BCAS3: variants seen among roughly 807,000 people sequenced by gnomAD.
The protein encoded by BCAS3 is BCAS3 microtubule associated cell migration factor, also known as BCAS4/BCAS3 fusion.
Under a neutral mutation model 116.1 loss-of-function variants are expected in BCAS3, and 53 were observed. The observed-to-expected ratio is 0.46, with a 90% CI of 0.37 to 0.57. The LOEUF is 0.57. Ranked by LOEUF, BCAS3 falls within the 20% of genes least tolerant of loss-of-function variation. BCAS3 has a pLI of 0.00. For synonymous variants in BCAS3, 391 were observed against 408.2 expected, an observed-to-expected ratio of 0.96 and a Z score of 0.51; for missense variants, 917 against 1,165.4, an observed-to-expected ratio of 0.79 and a Z score of 3.10.
intron 12 of BCAS3, among the ~76,000 whole-genome samples, chr17:60,920,435 C>G (rs1266600663): frequency 6.6e-6 from 1 of 152,168 alleles, no homozygotes; most frequent in Non-Finnish European, 1.5e-5. Context: ...GCAAAGGACA[C>G]ACATACACTT....
intron 6 of BCAS3, among the ~76,000 whole-genome samples, chr17:60,788,553 T>C (rs2144526777): frequency 6.6e-6 from 1 of 152,330 alleles, no homozygotes; most frequent in Non-Finnish European, 1.5e-5. Flanking sequence ...ATATTTTAGA[T>C]ATTTGAGGGA....
intron 7 of BCAS3, among the ~76,000 whole-genome samples, chr17:60,829,534 G>A (rs1229385747): frequency 6.6e-6 from 1 of 151,502 alleles, no homozygotes; most frequent in Non-Finnish European, 1.5e-5. Flanking sequence ...AGATAAAGTT[G>A]GACAGGACAG....
chr17:60,887,404 C>G (rs2056788967), intron 9 of BCAS3: 4 of 154,178 alleles, frequency 2.6e-5, no homozygotes, highest in East Asian at 1.9e-4. Flanking sequence ...GCAGAAATCA[C>G]CCGTCTTCTG....
rs1033772485 is a variant in BCAS3 at position 61,176,033 on chromosome 17, G to A, written c.2425+91469G>A. 9.3e-5 allele frequency among the ~76,000 whole-genome samples: 14 copies of A among 151,154 alleles called. No homozygotes were observed. The East Asian group carries it at 1.6e-3, about 17-fold the overall frequency. On this transcript the variant is annotated intron_variant, in intron 22 of 23. Transcript: ENST00000407086. ...TGTGCCTTGTAGTCCCAGCTACTCC[G>A]GAGGCTGAGGTGGGAGGATTGCTTA...
In BCAS3 at chr17:61,226,218, A is replaced by G. The variant is rs2082365517; in HGVS notation, c.2425+141654A>G. Among the ~76,000 whole-genome samples, 1 of 152,164 alleles carries G rather than the reference A, an allele frequency of 6.6e-6. No homozygotes were observed. Among genetic ancestry groups the G allele is most frequent in the Non-Finnish European group, 1.5e-5 (1 of 68,026 alleles). Reference sequence around the variant, plus strand: ...AATTCCTAAAATATCCACTGACCATAATAGTGTCTATCAAATGCATTTTCA... The same window carrying G: ...AATTCCTAAAATATCCACTGACCATGATAGTGTCTATCAAATGCATTTTCA... On this transcript the variant is annotated intron_variant, in intron 22 of 23. Transcript: ENST00000407086. The surrounding 1 kb of genome is among the most constrained non-coding windows in gnomAD (Gnocchi z 6.0).
At chr17:61,184,481 G>A (rs1366941916) in intron 22 of BCAS3, among the ~76,000 whole-genome samples, 1 of 152,126 alleles carries the variant, frequency 6.6e-6, no homozygotes, top group Non-Finnish European at 1.5e-5. Flanking sequence ...AGAAACTGTA[G>A]AACTCTTACA....
chr17:60,821,230 C>T (rs954722882), intron 7 of BCAS3, among the ~76,000 whole-genome samples: 10 of 152,138 alleles, frequency 6.6e-5, no homozygotes, highest in African/African-American at 1.4e-4. Flanking sequence ...TACAGGCATG[C>T]GCCACCTCAC....
intron 14 of BCAS3, among the ~76,000 whole-genome samples, chr17:60,977,393 G>C (rs1426794230): frequency 6.6e-6 from 1 of 151,920 alleles, no homozygotes; most frequent in Non-Finnish European, 1.5e-5. Flanking sequence ...GTGTTGTCCA[G>C]GCTTATCTCT....
intron 22 of BCAS3, among the ~76,000 whole-genome samples, chr17:61,197,217 C>A (rs937966701): frequency 6.6e-6 from 1 of 152,156 alleles, no homozygotes; most frequent in Non-Finnish European, 1.5e-5. Context: ...ATAAAAGACA[C>A]CACAGTGATG....
At position 60,964,317 on chromosome 17, in the gene BCAS3, G is replaced by C. The variant is rs542355738; in HGVS notation, c.1221+16965G>C. Among the ~76,000 whole-genome samples, 37 of 152,094 alleles carry C rather than the reference G, an allele frequency of 2.4e-4. No homozygotes were observed. Among genetic ancestry groups the C allele is most frequent in the Non-Finnish European group, 4.6e-4 (31 of 67,962 alleles). On this transcript the variant is annotated intron_variant, in intron 14 of 23. Coordinates refer to ENST00000407086, the MANE Select transcript of BCAS3 (RefSeq NM_017679.5). This position sits in a 1 kb window ranked among gnomAD's most constrained non-coding sequence, Gnocchi z 4.6. The stretch of plus-strand genomic sequence containing the variant: ...ATATGTGGTTTTTGTTTTTGATTCT[G>C]TTAATATGATATATCATGTTTATTG...
intron 22 of BCAS3, among the ~76,000 whole-genome samples, chr17:61,138,744 C>T (rs1172482011): frequency 6.6e-6 from 1 of 152,076 alleles, no homozygotes; most frequent in Admixed American, 6.5e-5. Context: ...TGTTTTTTGG[C>T]TCTTGATCCA....
intron 23 of BCAS3, chr17:61,384,663 A>G (rs61037824): frequency 0.094 from 14,253 of 152,282 alleles, 1,561 homozygotes; most frequent in African/African-American, 0.27. Flanking sequence ...CATCCAAACC[A>G]GCGACAGAGG....
rs2080700277 is a variant in BCAS3 at position 61,189,416 on chromosome 17, G to A, written c.2425+104852G>A. On this transcript the variant is annotated intron_variant, in intron 22 of 23. Coordinates refer to ENST00000407086, the MANE Select transcript of BCAS3 (RefSeq NM_017679.5). This position sits in a 1 kb window ranked among gnomAD's most constrained non-coding sequence, Gnocchi z 4.5. ...TTAATCCAGAGCAGTGTGTATTTTA[G>A]TTAAGGAACTTGGACTTATATCCTA... Among the ~76,000 whole-genome samples, 1 of 152,202 alleles carries A rather than the reference G, an allele frequency of 6.6e-6. No homozygotes were observed. Among genetic ancestry groups the A allele is most frequent in the Admixed American group, 6.5e-5 (1 of 15,280 alleles).
intron 6 of BCAS3, among the ~76,000 whole-genome samples, chr17:60,757,114 G>A (rs1321564766): frequency 1.3e-5 from 2 of 151,764 alleles, no homozygotes; most frequent in Non-Finnish European, 2.9e-5. Flanking sequence ...AATGAGCCGA[G>A]ATCGCACCAC....
chr17:60,909,077 A>G (rs1391410314), intron 11 of BCAS3, among the ~76,000 whole-genome samples: 1 of 152,192 alleles, frequency 6.6e-6, no homozygotes, highest in Non-Finnish European at 1.5e-5. Flanking sequence ...TCTCTTTCAT[A>G]AAATTGAAGT....
chr17:61,264,153 T>C (rs755281003), intron 22 of BCAS3, among the ~76,000 whole-genome samples: 5 of 151,992 alleles, frequency 3.3e-5, no homozygotes, highest in Non-Finnish European at 5.9e-5. Context: ...ATTATATAGA[T>C]ATAATTCTTG....
chr17:61,256,390 G>A lies in BCAS3; in HGVS notation c.2426-111937G>A, dbSNP rs544233112. 2.6e-5 allele frequency among the ~76,000 whole-genome samples: 4 copies of A among 152,220 alleles called. No individual in the cohort carries two copies. Among genetic ancestry groups the A allele is most frequent in the South Asian group, 2.1e-4 (1 of 4,826 alleles). Reference sequence around the variant, plus strand: ...GTGATCAAGGCTCACTGCAACCTCCGCCTCTGGGGTTCAAGTGATTCTCCT... The same window carrying A: ...GTGATCAAGGCTCACTGCAACCTCCACCTCTGGGGTTCAAGTGATTCTCCT... On this transcript the variant is annotated intron_variant, in intron 22 of 23. Transcript: ENST00000407086. The surrounding 1 kb of genome is among the most constrained non-coding windows in gnomAD (Gnocchi z 5.6).
chr17:61,202,059 C>CTT (rs35961240), intron 22 of BCAS3, among the ~76,000 whole-genome samples: 13 of 70,326 alleles, frequency 1.8e-4, no homozygotes, highest in African/African-American at 4.7e-4. Flanking sequence ...TGCCCGGCCT[C>CTT]TTTTTTTTTT....
In BCAS3 at chr17:61,026,003, G is replaced by GT. The variant is rs113366837; in HGVS notation, c.1638-8661dup. Among the ~76,000 whole-genome samples, 15,594 of 152,016 alleles carry GT rather than the reference G, an allele frequency of 0.1. 2,414 individuals carry two copies. Among genetic ancestry groups the GT allele is most frequent in the African/African-American group, 0.34 (14,078 of 41,436 alleles). On this transcript the variant is annotated intron_variant, in intron 16 of 23. Transcript: ENST00000407086. The surrounding 1 kb of genome is among the most constrained non-coding windows in gnomAD (Gnocchi z 5.0). Reference sequence around the variant, plus strand: ...ACCAATGTGCTTTTCTCCTCCATTTGTTATGATTTCCAAATGTCAGATGTT... The same window carrying GT: ...ACCAATGTGCTTTTCTCCTCCATTTGTTTATGATTTCCAAATGTCAGATGTT...
Sources: gnomAD v4.1 joint callset for allele counts (sites outside exome capture counted in the v4.1 genomes callset) on GRCh38, gnomAD v4.1.1 for gene constraint, Gnocchi (gnomAD v3.1) non-coding constraint, MANE v1.5 for transcripts, NCBI Gene and HGNC (gene_info 2026-07-23, HGNC 2026-07-21) for gene names.